CACNA1E: variants seen among roughly 807,000 people sequenced by gnomAD.
The protein encoded by CACNA1E is voltage-dependent R-type calcium channel subunit alpha-1E.
A neutral mutation model predicts 259.2 loss-of-function variants in CACNA1E; 40 were observed. That is an observed-to-expected ratio of 0.15 (90% CI 0.12 to 0.20). The LOEUF is 0.20. Among genes scored for constraint, CACNA1E ranks in the 10% least tolerant of loss-of-function variants. CACNA1E has a pLI of 1.00. For missense variants in CACNA1E, 1,874 were observed against 3,040.1 expected, an observed-to-expected ratio of 0.62 and a Z score of 9.02; for synonymous variants, 1,104 against 1,138.5, an observed-to-expected ratio of 0.97 and a Z score of 0.61.
chr1:181,378,557 T>C (rs1655251840), intron 1 of CACNA1E, among the ~76,000 whole-genome samples: 2 of 152,178 alleles, frequency 1.3e-5, no homozygotes, highest in South Asian at 2.1e-4. Context: ...GAGAGAACTC[T>C]GGAGATTTGG....
At chr1:181,535,644 T>C (rs55734944) in intron 3 of CACNA1E, among the ~76,000 whole-genome samples, 19,398 of 152,068 alleles carry the variant, frequency 0.13, 1,357 homozygotes, top group South Asian at 0.16. Context: ...TGTTGTCTTT[T>C]ATCCTTTGTG....
At chr1:181,527,874 A>G (rs548374391) in intron 3 of CACNA1E, among the ~76,000 whole-genome samples, 48 of 150,656 alleles carry the variant, frequency 3.2e-4, no homozygotes, top group Admixed American at 1.8e-3. Flanking sequence ...GTTTGTTTTT[A>G]TTCTTTTCCT....
At chr1:181,468,616 A>AGTAT (rs1662299118) in intron 2 of CACNA1E, among the ~76,000 whole-genome samples, 5 of 152,248 alleles carry the variant, frequency 3.3e-5, no homozygotes, top group Admixed American at 2.6e-4. Context: ...GTGGGGAGCC[A>AGTAT]AGATGTGTAC....
chr1:181,719,635 G>A, intron 12 of CACNA1E, 116 bp from the exon 13 acceptor site: 1 of 550,562 alleles, frequency 1.8e-6, no homozygotes, highest in Non-Finnish European at 3.3e-6. Flanking sequence ...GGTGGGAGAG[G>A]AGAGTTTTTA....
intron 6 of CACNA1E, among the ~76,000 whole-genome samples, chr1:181,643,004 C>G (rs1657939103): frequency 6.6e-6 from 1 of 152,074 alleles, no homozygotes; most frequent in South Asian, 2.1e-4. Flanking sequence ...CCTCACTCCC[C>G]CCACAGGTTA....
chr1:181,592,527 G>A (rs900282607), intron 6 of CACNA1E, among the ~76,000 whole-genome samples: 2 of 151,376 alleles, frequency 1.3e-5, no homozygotes, highest in Non-Finnish European at 2.9e-5. Context: ...ATGAAAAGTA[G>A]GGGAAAGGTA....
At chr1:181,577,706 A>G in intron 3 of CACNA1E, 60 bp from the exon 4 acceptor site, 2 of 1,170,840 alleles carry the variant, frequency 1.7e-6, no homozygotes, top group Non-Finnish European at 2.5e-6. Flanking sequence ...CGCTTCCTGC[A>G]TGGAACAAGA....
intron 6 of CACNA1E, among the ~76,000 whole-genome samples, chr1:181,590,414 A>ATATATATATATATATATAT (rs1206091612): frequency 1.8e-4 from 22 of 125,686 alleles, no homozygotes; most frequent in African/African-American, 5.9e-4. Flanking sequence ...AAAAAAAAAA[A>ATATATATATATATATATAT]AAATATATAT....
chr1:181,385,956 G>A (rs1473746152), intron 1 of CACNA1E, among the ~76,000 whole-genome samples: 1 of 151,962 alleles, frequency 6.6e-6, no homozygotes, highest in Admixed American at 6.6e-5. Flanking sequence ...ATACTGAAGA[G>A]AGTAGAGATA....
intron 7 of CACNA1E, among the ~76,000 whole-genome samples, chr1:181,672,566 G>A (rs1057060037): frequency 1.3e-5 from 2 of 152,164 alleles, no homozygotes; most frequent in African/African-American, 4.8e-5. Flanking sequence ...ACCTAAAGTG[G>A]TCAGAGGGAA....
chr1:181,528,156 CA>C (rs1007702797), intron 3 of CACNA1E, among the ~76,000 whole-genome samples: 6 of 146,506 alleles, frequency 4.1e-5, no homozygotes, highest in African/African-American at 1.6e-4. Flanking sequence ...GTGGGGGGGG[CA>C]GTAATTGAAT....
chr1:181,724,311 C>T (rs1453829049), intron 16 of CACNA1E, among the ~76,000 whole-genome samples, 159 bp from the exon 17 acceptor site: 1 of 152,196 alleles, frequency 6.6e-6, no homozygotes, highest in East Asian at 1.9e-4. Flanking sequence ...AGTTGTACAA[C>T]ATCTCCCTCT....
At chr1:181,719,066 T>G (rs1460923572) in intron 12 of CACNA1E, among the ~76,000 whole-genome samples, 1 of 152,252 alleles carries the variant, frequency 6.6e-6, no homozygotes, top group Non-Finnish European at 1.5e-5. Context: ...CGGGCAATTT[T>G]CAGGCATAAC....
chr1:181,643,491 G>A (rs927254865), intron 6 of CACNA1E, among the ~76,000 whole-genome samples: 2 of 152,192 alleles, frequency 1.3e-5, no homozygotes, highest in Admixed American at 6.5e-5. Flanking sequence ...TCCCAAGAGC[G>A]TGGATGGGTT....
chr1:181,485,011 C>G lies in CACNA1E; in HGVS notation c.266+1001C>G, dbSNP rs916450958. Among the ~76,000 whole-genome samples, 2 of 152,224 alleles carry G rather than the reference C, an allele frequency of 1.3e-5. No individual in the cohort carries two copies. The highest frequency in any genetic ancestry group is 4.8e-5 in the African/African-American group (2 of 41,456). On this transcript the variant is annotated intron_variant, in intron 1 of 47. Coordinates refer to ENST00000367573, the MANE Select transcript of CACNA1E (RefSeq NM_001205293.3). The surrounding 1 kb of genome is among the most constrained non-coding windows in gnomAD (Gnocchi z 4.2). ...TGATTAGGCAGCTCACTGCCTTGTT[C>G]TTCACTAAGGATTGGACGCCTGGCA...
intron 1 of CACNA1E, among the ~76,000 whole-genome samples, chr1:181,336,893 G>T (rs1258778863): frequency 6.7e-6 from 1 of 149,882 alleles, no homozygotes; most frequent in Non-Finnish European, 1.5e-5. Context: ...AAGTGATTTT[G>T]GAATTTAGTT....
chr1:181,403,844 C>T (rs1036579037), intron 1 of CACNA1E, among the ~76,000 whole-genome samples: 5 of 152,134 alleles, frequency 3.3e-5, no homozygotes, highest in Non-Finnish European at 5.9e-5. Flanking sequence ...GGGGCTCCCT[C>T]TCCATTTCCT....
At chr1:181,739,415 C>T in intron 25 of CACNA1E, 162 bp downstream of exon 25, 1 of 621,902 alleles carries the variant, frequency 1.6e-6, no homozygotes, top group South Asian at 1.9e-5. Flanking sequence ...TCCTGAGCGC[C>T]TTGCAGCTCC....
At chr1:181,664,850 T>C (rs1274038551) in intron 7 of CACNA1E, among the ~76,000 whole-genome samples, 1 of 152,106 alleles carries the variant, frequency 6.6e-6, no homozygotes, top group African/African-American at 2.4e-5. Context: ...GGAAAAGGAA[T>C]AGAGAAATCA....
Sources: allele counts gnomAD v4.1 joint callset (sites outside exome capture counted in the v4.1 genomes callset), GRCh38; gene constraint gnomAD v4.1.1; non-coding constraint Gnocchi (gnomAD v3.1); transcripts MANE v1.5; gene names NCBI Gene and HGNC (gene_info 2026-07-23, HGNC 2026-07-21).